The following ITPR1 variants were observed in gnomAD, a reference collection of about 807,000 sequenced individuals.
ITPR1 encodes inositol 1,4,5-trisphosphate receptor type 1.
In ITPR1, 96 loss-of-function variants were observed where a neutral mutation model predicts 318.4. The observed-to-expected ratio is 0.30, with a 90% CI of 0.26 to 0.36. ITPR1 has a LOEUF of 0.36. Among genes scored for constraint, ITPR1 ranks in the 10% least tolerant of loss-of-function variants. The probability of loss-of-function intolerance (pLI) is 1.00; values close to 1 mark genes in which losing one functional copy is unlikely to be tolerated. For missense variants in ITPR1, 2,440 were observed against 3,460.2 expected (o/e 0.71, Z 7.40); for synonymous variants, 1,312 against 1,289.9 (o/e 1.02, Z -0.37).
At chr3:4,592,655 C>T (rs1282123427) in intron 4 of ITPR1, among the ~76,000 whole-genome samples, 3 of 152,178 alleles carry the variant, frequency 2.0e-5, no homozygotes, top group African/African-American at 7.2e-5. Flanking sequence ...CATTGTCAGG[C>T]AGGTCCTCCC....
Position 4,653,729 on chromosome 3 carries a change from C to G in ITPR1, c.952-113C>G. On this transcript the variant is annotated intron_variant, in intron 11 of 61. Coordinates refer to ENST00000649015, the MANE Select transcript of ITPR1 (RefSeq NM_001378452.1). The stretch of plus-strand genomic sequence containing the variant: ...TGGTTTTGTGAACAGAGGGAATGGA[C>G]AAGTTCTTAGCTGTTCAAGGATGTT... The G allele has an allele frequency of 8.7e-6, 6 of 693,242 alleles. No individual in the cohort carries two copies. In the South Asian group the frequency reaches 1.1e-4, roughly 12 times the overall value. The allele number at this position is 693,242 out of a possible 1,614,324, so 42.9% of individuals were successfully genotyped here.
chr3:4,700,385 T>C (rs1403007059), intron 35 of ITPR1, among the ~76,000 whole-genome samples: 1 of 152,248 alleles, frequency 6.6e-6, no homozygotes, highest in Non-Finnish European at 1.5e-5. Flanking sequence ...CCCTTGTACC[T>C]GGCATTGTGA....
chr3:4,731,694 TTGAC>T (rs1204549923), intron 42 of ITPR1, among the ~76,000 whole-genome samples: 1 of 152,218 alleles, frequency 6.6e-6, no homozygotes, highest in Non-Finnish European at 1.5e-5. Context: ...GTTTTGATGA[TTGAC>T]AGGAGCCAAG....
At chr3:4,617,151 A>T (rs9825366) in intron 4 of ITPR1, among the ~76,000 whole-genome samples, 93,457 of 151,886 alleles carry the variant, frequency 0.62, 29,745 homozygotes, top group African/African-American at 0.77. Flanking sequence ...CCCCAGTGTG[A>T]GCATTCATCA....
intron 61 of ITPR1, among the ~76,000 whole-genome samples, chr3:4,841,976 G>C (rs1217086172): frequency 1.3e-5 from 2 of 152,232 alleles, no homozygotes; most frequent in African/African-American, 2.4e-5. Context: ...TTTGCTAGCT[G>C]TTTAGAATCT....
intron 11 of ITPR1, 136 bp from the exon 12 acceptor site, chr3:4,653,706 G>A: frequency 4.8e-6 from 3 of 627,828 alleles, no homozygotes; most frequent in Non-Finnish European, 5.8e-6. Context: ...TGGCATGCTG[G>A]TTTTGTGAAC....
At chr3:4,769,455 G>A (rs1364034453) in intron 46 of ITPR1, among the ~76,000 whole-genome samples, 1 of 152,162 alleles carries the variant, frequency 6.6e-6, no homozygotes, top group Non-Finnish European at 1.5e-5. Flanking sequence ...TTCTAAAATT[G>A]GATACATAGA....
intron 54 of ITPR1, among the ~76,000 whole-genome samples, chr3:4,803,090 G>C (rs566711046): frequency 5.0e-4 from 76 of 152,370 alleles, no homozygotes; most frequent in African/African-American, 1.7e-3. Flanking sequence ...TTTCACTCAT[G>C]GCGGAGTAAA....
chr3:4,560,848 C>G (rs2086601209), intron 4 of ITPR1, among the ~76,000 whole-genome samples: 2 of 152,166 alleles, frequency 1.3e-5, no homozygotes, highest in Admixed American at 1.3e-4. Flanking sequence ...TCTAGAACTC[C>G]TATCTTGGTT....
At chr3:4,504,964 T>C (rs2081295290) in intron 2 of ITPR1, among the ~76,000 whole-genome samples, 1 of 136,990 alleles carries the variant, frequency 7.3e-6, no homozygotes. Context: ...GGCATACTCC[T>C]TTTTTTTTTT....
In ITPR1 at chr3:4,621,226, C is replaced by T. The variant is rs534233422; in HGVS notation, c.164-6537C>T. On this transcript the variant is annotated intron_variant, in intron 4 of 61. Transcript: ENST00000649015. ...AATTTCACAAGCTTTACAGGAAGCA[C>T]GATGCTGGCATCTGCTTGGCTTCTA... Among the ~76,000 whole-genome samples the T allele has an allele frequency of 4.2e-4, 64 of 152,198 alleles. 1 individual carries two copies. Among genetic ancestry groups the T allele is most frequent in the African/African-American group, 1.4e-3 (60 of 41,514 alleles).
chr3:4,721,264 T>G (rs1020165212), intron 40 of ITPR1, among the ~76,000 whole-genome samples: 1 of 150,702 alleles, frequency 6.6e-6, no homozygotes, highest in African/African-American at 2.5e-5. Context: ...TGTCAGAATG[T>G]GTTTTTAAAA....
intron 4 of ITPR1, among the ~76,000 whole-genome samples, chr3:4,544,037 A>T (rs987814088): frequency 5.4e-5 from 8 of 148,066 alleles, no homozygotes; most frequent in Non-Finnish European, 1.2e-4. Context: ...CTCTCCTTTC[A>T]TTCCTGTTCC....
chr3:4,825,739 G>A (rs187772453), intron 60 of ITPR1: 1 of 456,766 alleles, frequency 2.2e-6, no homozygotes, highest in Admixed American at 2.3e-5. Context: ...ACTGGCTGAA[G>A]TCTTACCTTG....
chr3:4,635,095 T>A (rs576488956), intron 5 of ITPR1, among the ~76,000 whole-genome samples: 68 of 152,286 alleles, frequency 4.5e-4, no homozygotes, highest in African/African-American at 1.6e-3. Flanking sequence ...GGCAGTACTG[T>A]CATTTTAGAT....
At chr3:4,590,793 CG>C (rs1476810467) in intron 4 of ITPR1, among the ~76,000 whole-genome samples, 1 of 151,978 alleles carries the variant, frequency 6.6e-6, no homozygotes, top group Non-Finnish European at 1.5e-5. Flanking sequence ...ACACGTGTCA[CG>C]GGGGTTTGTT....
chr3:4,522,045 T>C (rs572484850), intron 4 of ITPR1, among the ~76,000 whole-genome samples: 3 of 152,334 alleles, frequency 2.0e-5, no homozygotes, highest in Non-Finnish European at 4.4e-5. Flanking sequence ...CATTTGTTTT[T>C]CTTTTTTGTT....
chr3:4,518,436 T>A (rs144823389), intron 3 of ITPR1, among the ~76,000 whole-genome samples: 384 of 152,364 alleles, frequency 2.5e-3, no homozygotes, highest in Middle Eastern at 6.8e-3. Context: ...AACTTTGGGT[T>A]GCTAATACTT....
At chr3:4,586,765 G>A (rs914373777) in intron 4 of ITPR1, among the ~76,000 whole-genome samples, 4 of 150,358 alleles carry the variant, frequency 2.7e-5, no homozygotes, top group African/African-American at 7.4e-5. Context: ...TCTGGAGCTC[G>A]TGGTACAAGG....
Sources: gnomAD v4.1 joint callset for allele counts (sites outside exome capture counted in the v4.1 genomes callset) on GRCh38, gnomAD v4.1.1 for gene constraint, MANE v1.5 for transcripts, NCBI Gene and HGNC (gene_info 2026-07-23, HGNC 2026-07-21) for gene names.